Variants in ELOVL6 observed in about 807,000 individuals in gnomAD.
ELOVL6 encodes ELOVL fatty acid elongase 6.
Under a neutral mutation model 31.7 loss-of-function variants are expected in ELOVL6, and 8 were observed. The ratio of observed to expected loss-of-function variants is 0.25; its 90% CI spans 0.15 to 0.45. ELOVL6 has a LOEUF of 0.45. Ranked by LOEUF, ELOVL6 falls within the 20% of genes least tolerant of loss-of-function variation. ELOVL6 has a pLI of 1.00. For missense variants in ELOVL6, 126 were observed against 326.4 expected (o/e 0.39, Z 4.73); for synonymous variants, 101 against 117.7 (o/e 0.86, Z 0.92).
At chr4:110,154,427 GTAT>G (rs1424904531) in intron 1 of ELOVL6, among the ~76,000 whole-genome samples, 1 of 151,990 alleles carries the variant, frequency 6.6e-6, no homozygotes, top group Non-Finnish European at 1.5e-5. Context: ...ACTAATTTTT[GTAT>G]TTTTAGTAGA....
chr4:110,114,236 T>A (rs752927857), intron 1 of ELOVL6, among the ~76,000 whole-genome samples: 1 of 152,236 alleles, frequency 6.6e-6, no homozygotes, highest in Non-Finnish European at 1.5e-5. Context: ...TTCTATAATA[T>A]AAATGAAGCA....
At position 110,198,511 on chromosome 4, in the gene ELOVL6, C is replaced by A. The variant is rs1458305848; in HGVS notation, c.-176G>T. ...CCCAGCCTCTCAGCTACATCCAGGGCTGAGCATTGCCTGCGCCTCCGCTCC... is the reference window on the plus strand; with the variant it reads ...CCCAGCCTCTCAGCTACATCCAGGGATGAGCATTGCCTGCGCCTCCGCTCC... On this transcript the variant is annotated 5_prime_UTR_variant, in exon 1 of 4. Transcript: ENST00000302274. The A allele has an allele frequency of 1.6e-5, 9 of 564,130 alleles. No individual in the cohort carries two copies. The highest frequency in any genetic ancestry group is 3.3e-5 in the Admixed American group (1 of 30,124). 34.9% of individuals were successfully genotyped at this position (564,130 alleles called of 1,614,324 possible).
At chr4:110,150,505 T>A (rs1758248801) in intron 1 of ELOVL6, among the ~76,000 whole-genome samples, 1 of 152,220 alleles carries the variant, frequency 6.6e-6, no homozygotes, top group Non-Finnish European at 1.5e-5. Context: ...TATCTGTCAA[T>A]GGCTAATTTC....
At chr4:110,090,484 G>T (rs1756386069) in intron 2 of ELOVL6, among the ~76,000 whole-genome samples, 1 of 152,126 alleles carries the variant, frequency 6.6e-6, no homozygotes, top group South Asian at 2.1e-4. Flanking sequence ...GACTTGAGAT[G>T]TGACTCACAC....
chr4:110,166,891 A>G (rs1758795609), intron 1 of ELOVL6, among the ~76,000 whole-genome samples: 1 of 152,174 alleles, frequency 6.6e-6, no homozygotes, highest in Non-Finnish European at 1.5e-5. Context: ...CAGCACTGGA[A>G]TATTTGTTCT....
At chr4:110,171,224 A>G (rs571955041) in intron 1 of ELOVL6, among the ~76,000 whole-genome samples, 5 of 152,224 alleles carry the variant, frequency 3.3e-5, no homozygotes, top group African/African-American at 1.2e-4. Flanking sequence ...AGCCTGACCA[A>G]CATGGTGAAA....
chr4:110,198,656 G>A (rs920981581), upstream of ELOVL6: 1 of 260,858 alleles, frequency 3.8e-6, no homozygotes, highest in Non-Finnish European at 7.3e-6. Context: ...TCGTCTACAG[G>A]GAAATCTCCT....
At chr4:110,055,636 A>G (rs1404180722) in intron 3 of ELOVL6, among the ~76,000 whole-genome samples, 1 of 152,016 alleles carries the variant, frequency 6.6e-6, no homozygotes, top group African/African-American at 2.4e-5. Context: ...AGACACAGAG[A>G]GGCTACTCTG....
rs57846282 is a variant in ELOVL6, at chr4:110,061,549, C to CTTTTTTTTTTTTTTTTTTTTTTTTTTTTT, written c.222-1796_222-1795insAAAAAAAAAAAAAAAAAAAAAAAAAAAAA. 8.3e-5 allele frequency among the ~76,000 whole-genome samples: 6 copies of CTTTTTTTTTTTTTTTTTTTTTTTTTTTTT among 72,380 alleles called. 2 individuals carry two copies. Among genetic ancestry groups the CTTTTTTTTTTTTTTTTTTTTTTTTTTTTT allele is most frequent in the East Asian group, 1.0e-3 (2 of 1,970 alleles). 47.5% of individuals were successfully genotyped at this position (72,380 alleles called of 152,430 possible). A position where few individuals can be genotyped will look rare whatever the true frequency, so the allele number is the denominator to read the frequency against. On this transcript the variant is annotated intron_variant, in intron 2 of 3. Coordinates refer to ENST00000302274, the MANE Select transcript of ELOVL6 (RefSeq NM_024090.3). ...CTGTCTTTCCCTCACCAAATGATGGCTTTTTTTTTTTTTTTTTTTTTTTTT... is the reference window on the plus strand; with the variant it reads ...CTGTCTTTCCCTCACCAAATGATGGCTTTTTTTTTTTTTTTTTTTTTTTTTTTTTTTTTTTTTTTTTTTTTTTTTTTTTT...
chr4:110,076,508 T>C (rs555474776), intron 2 of ELOVL6, among the ~76,000 whole-genome samples: 1 of 152,340 alleles, frequency 6.6e-6, no homozygotes, highest in African/African-American at 2.4e-5. Context: ...GTAATGGTCC[T>C]AGGACACTTG....
chr4:110,114,492 A>G (rs888406470), intron 1 of ELOVL6, among the ~76,000 whole-genome samples: 76 of 152,216 alleles, frequency 5.0e-4, no homozygotes, highest in African/African-American at 1.8e-3. Context: ...ATGGTCCTCT[A>G]ATTTCTACTA....
chr4:110,093,452 C>T (rs1756480796), intron 2 of ELOVL6, among the ~76,000 whole-genome samples: 1 of 152,140 alleles, frequency 6.6e-6, no homozygotes, highest in Non-Finnish European at 1.5e-5. Flanking sequence ...TCAAGTCAAC[C>T]ATAGTTCCTG....
intron 2 of ELOVL6, among the ~76,000 whole-genome samples, chr4:110,080,465 C>A (rs1446292689): frequency 1.3e-5 from 2 of 152,112 alleles, no homozygotes; most frequent in African/African-American, 2.4e-5. Context: ...GTAATCCAGG[C>A]TATAAACAAA....
chr4:110,064,687 C>T (rs1231240151), intron 2 of ELOVL6, among the ~76,000 whole-genome samples: 1 of 151,926 alleles, frequency 6.6e-6, no homozygotes, highest in Non-Finnish European at 1.5e-5. Context: ...GGGGTCTCAT[C>T]ATCTTGCCCA....
At chr4:110,106,126 GTGGGTGGATCACTTT>G (rs922278733) in intron 1 of ELOVL6, among the ~76,000 whole-genome samples, 3 of 152,200 alleles carry the variant, frequency 2.0e-5, no homozygotes, top group Non-Finnish European at 4.4e-5. Flanking sequence ...GGAGGCAGAG[GTGGGTGGATCACTTT>G]AGGCCAGGAG....
chr4:110,072,090 A>G (rs1755501165), intron 2 of ELOVL6, among the ~76,000 whole-genome samples: 1 of 152,218 alleles, frequency 6.6e-6, no homozygotes, highest in South Asian at 2.1e-4. Flanking sequence ...GACAGCCGTC[A>G]ACTTGCTGGA....
chr4:110,180,407 G>T (rs187936649), intron 1 of ELOVL6, among the ~76,000 whole-genome samples: 4 of 152,090 alleles, frequency 2.6e-5, no homozygotes, highest in South Asian at 2.1e-4. Context: ...TAGGAACAGG[G>T]TCTCATTTTG....
intron 1 of ELOVL6, among the ~76,000 whole-genome samples, chr4:110,187,287 A>G (rs1759478781): frequency 6.6e-6 from 1 of 151,936 alleles, no homozygotes; most frequent in South Asian, 2.1e-4. Flanking sequence ...TTTACATAGT[A>G]TCTATTGTTT....
chr4:110,139,860 T>C (rs1757905943), intron 1 of ELOVL6, among the ~76,000 whole-genome samples: 1 of 152,156 alleles, frequency 6.6e-6, no homozygotes, highest in South Asian at 2.1e-4. Flanking sequence ...TTTTGTAATC[T>C]CTAGTGTTTA....
Sources: allele counts gnomAD v4.1 joint callset (sites outside exome capture counted in the v4.1 genomes callset), GRCh38; gene constraint gnomAD v4.1.1; transcripts MANE v1.5; gene names NCBI Gene and HGNC (gene_info 2026-07-23, HGNC 2026-07-21).